Variants in USP37 observed in about 807,000 individuals in gnomAD.
The protein encoded by USP37 is ubiquitin carboxyl-terminal hydrolase 37.
USP37 carries 27 observed loss-of-function variants against 124.0 expected under a neutral mutation model. The ratio of observed to expected loss-of-function variants is 0.22; its 90% CI spans 0.16 to 0.30. The LOEUF is 0.30. Ranked by LOEUF, USP37 falls within the 10% of genes least tolerant of loss-of-function variation. The pLI is 1.00. For synonymous variants in USP37, 365 were observed against 388.0 expected (o/e 0.94, Z 0.70); for missense variants, 889 against 1,140.4 (o/e 0.78, Z 3.17).
Position 218,454,797 on chromosome 2 carries a change from T to G in USP37, c.*133A>C. 6.8e-7 allele frequency: 1 copy of G among 1,479,376 alleles called. No homozygotes were observed. The highest frequency in any genetic ancestry group is 8.9e-7 in the Non-Finnish European group (1 of 1,120,356). The allele number at this position is 1,479,376 out of a possible 1,614,324, so 91.6% of individuals were successfully genotyped here. A position where few individuals can be genotyped will look rare whatever the true frequency, so the allele number is the denominator to read the frequency against. ...ATTCTACGTTACTCCAATTTTTGTC[T>G]TTTGGTTTGGCCCTGAGCTGTTTGT... On this transcript the variant is annotated 3_prime_UTR_variant, in exon 26 of 26. Coordinates refer to ENST00000258399, the MANE Select transcript of USP37 (RefSeq NM_020935.3).
At chr2:218,502,346 C>T (rs796432624) in intron 11 of USP37, among the ~76,000 whole-genome samples, 1 of 151,864 alleles carries the variant, frequency 6.6e-6, no homozygotes, top group South Asian at 2.1e-4. Flanking sequence ...TCACTTGATG[C>T]GATTAATAGC....
intron 8 of USP37, among the ~76,000 whole-genome samples, chr2:218,543,308 C>T (rs1200224625): frequency 6.6e-6 from 1 of 150,598 alleles, no homozygotes; most frequent in African/African-American, 2.4e-5. Flanking sequence ...TCGAGACCAG[C>T]CTGGGCAACA....
intron 9 of USP37, among the ~76,000 whole-genome samples, chr2:218,534,205 T>G (rs533632811): frequency 4.1e-4 from 62 of 152,320 alleles, no homozygotes; most frequent in African/African-American, 1.4e-3. Context: ...AACACCAGAT[T>G]AGGCCGGGCA....
chr2:218,530,965 T>G (rs1261278623), intron 9 of USP37, among the ~76,000 whole-genome samples: 2 of 152,110 alleles, frequency 1.3e-5, no homozygotes, highest in African/African-American at 4.8e-5. Context: ...TAAGAGCTGG[T>G]TCATCAGGTT....
chr2:218,528,746 C>G (rs1691124939), intron 10 of USP37: 1 of 255,140 alleles, frequency 3.9e-6, no homozygotes, highest in African/African-American at 2.7e-5. Flanking sequence ...ACTGCATGAT[C>G]ACATGTTCTC....
chr2:218,547,772 G>T (rs1680367528), intron 6 of USP37, among the ~76,000 whole-genome samples: 1 of 152,044 alleles, frequency 6.6e-6, no homozygotes, highest in African/African-American at 2.4e-5. Flanking sequence ...CTAGTTTGGA[G>T]GAATGAAACA....
rs767837183 is a variant in USP37, at chr2:218,455,025, T to C, written c.2853-8A>G. On this transcript the variant is annotated splice_region_variant and splice_polypyrimidine_tract_variant and intron_variant, in intron 25 of 25. Coordinates refer to ENST00000258399, the MANE Select transcript of USP37 (RefSeq NM_020935.3). ...AGCTCATCAAAGATCTCCCTTAAGA[T>C]AAAACAAGCAAAAAATAAAACTGGA... is the stretch of plus-strand genomic sequence containing the variant. The C allele has an allele frequency of 7.4e-6, 12 of 1,611,432 alleles. No homozygotes were observed. The highest frequency in any genetic ancestry group is 5.1e-5 in the Admixed American group (3 of 59,064).
At chr2:218,543,828 AAAC>A (rs1198666911) in intron 8 of USP37, among the ~76,000 whole-genome samples, 4 of 151,940 alleles carry the variant, frequency 2.6e-5, no homozygotes, top group Non-Finnish European at 5.9e-5. Flanking sequence ...AACAAAAAAC[AAAC>A]AAAAAAAAAA....
intron 10 of USP37, among the ~76,000 whole-genome samples, chr2:218,524,854 C>A (rs1690867930): frequency 6.6e-6 from 1 of 152,238 alleles, no homozygotes; most frequent in Non-Finnish European, 1.5e-5. Context: ...AGGTGATCCA[C>A]CCGCCTTGGC....
rs998359452 is a variant in USP37 at position 218,477,948 on chromosome 2, C to T, written c.1902-967G>A. ...TTACTGTGTTGTCTTCTAGGTAAGC[C>T]GAAAATAAACTAAAGAAAAAAGTGG... On this transcript the variant is annotated intron_variant, in intron 18 of 25. Transcript: ENST00000258399. 2.6e-5 allele frequency among the ~76,000 whole-genome samples: 4 copies of T among 151,154 alleles called. No individual in the cohort carries two copies. In the East Asian group the frequency reaches 5.8e-4, roughly 22 times the overall value.
chr2:218,460,813 C>T (rs1478457939), intron 22 of USP37, among the ~76,000 whole-genome samples: 4 of 151,996 alleles, frequency 2.6e-5, no homozygotes, highest in Admixed American at 6.6e-5. Context: ...TGGTGGCGCA[C>T]ACCAGTAGTC....
At chr2:218,544,406 A>AAATATATATATAT (rs1312705279) in intron 8 of USP37, among the ~76,000 whole-genome samples, 3 of 82,976 alleles carry the variant, frequency 3.6e-5, no homozygotes, top group African/African-American at 2.1e-4. Context: ...AAAAAAAAAA[A>AAATATATATATAT]ATATATATAT....
chr2:218,534,168 C>T (rs1207360315), intron 9 of USP37, among the ~76,000 whole-genome samples: 2 of 152,212 alleles, frequency 1.3e-5, no homozygotes, highest in Admixed American at 1.3e-4. Context: ...TAGCCAAGTA[C>T]TGGGTACAAA....
chr2:218,549,160 T>C (rs1456446233), intron 6 of USP37, among the ~76,000 whole-genome samples: 1 of 152,160 alleles, frequency 6.6e-6, no homozygotes, highest in Admixed American at 6.5e-5. Flanking sequence ...TAAGGACATA[T>C]GTAAGTCAAA....
intron 23 of USP37, 64 bp from the exon 24 acceptor site, chr2:218,457,225 TA>T: frequency 6.9e-7 from 1 of 1,442,802 alleles, no homozygotes; most frequent in Non-Finnish European, 9.6e-7. Context: ...ACACTGAATA[TA>T]AATTTATTAT....
chr2:218,485,857 G>C, intron 15 of USP37, 114 bp from the exon 16 acceptor site: 1 of 1,178,440 alleles, frequency 8.5e-7, no homozygotes, highest in Non-Finnish European at 1.2e-6. Flanking sequence ...CTCTGAACCA[G>C]TTTTAAAAAT....
intron 8 of USP37, among the ~76,000 whole-genome samples, chr2:218,537,217 C>T (rs1055651167): frequency 6.6e-6 from 1 of 152,138 alleles, no homozygotes; most frequent in Non-Finnish European, 1.5e-5. Flanking sequence ...TTTCTTCATC[C>T]CTTAATGGGG....
At chr2:218,507,534 T>C (rs1424010451) in intron 11 of USP37, among the ~76,000 whole-genome samples, 3 of 152,226 alleles carry the variant, frequency 2.0e-5, no homozygotes, top group Non-Finnish European at 2.9e-5. Flanking sequence ...TTTCACTGGC[T>C]GAAATATTTT....
chr2:218,479,875 A>C (rs542830189), intron 17 of USP37, among the ~76,000 whole-genome samples, 160 bp from the exon 18 acceptor site: 136 of 152,264 alleles, frequency 8.9e-4, no homozygotes, highest in Non-Finnish European at 1.5e-3. Context: ...GGCCAGGTGC[A>C]GTGGTTCACG....
Sources: gnomAD v4.1 joint callset for allele counts (sites outside exome capture counted in the v4.1 genomes callset) on GRCh38, gnomAD v4.1.1 for gene constraint, MANE v1.5 for transcripts, NCBI Gene and HGNC (gene_info 2026-07-23, HGNC 2026-07-21) for gene names.